Variants in NPAS3 observed in about 807,000 individuals in gnomAD.
The protein encoded by NPAS3 is neuronal PAS domain protein 3, also known as neuronal PAS domain-containing protein 3.
In NPAS3, 14 loss-of-function variants were observed where a neutral mutation model predicts 73.1. That is an observed-to-expected ratio of 0.19 (90% CI 0.13 to 0.30). The LOEUF (loss-of-function observed/expected upper bound fraction) is 0.30. NPAS3 is among the 10% of genes least tolerant of loss of function. The probability of loss-of-function intolerance (pLI) is 1.00; values close to 1 mark genes in which losing one functional copy is unlikely to be tolerated. For missense variants in NPAS3, 1,096 were observed against 1,250.0 expected, an observed-to-expected ratio of 0.88 and a Z score of 1.86; for synonymous variants, 620 against 541.5, an observed-to-expected ratio of 1.14 and a Z score of -2.01.
chr14:33,085,750 A>G (rs981700271), intron 2 of NPAS3, among the ~76,000 whole-genome samples: 144 of 152,210 alleles, frequency 9.5e-4, no homozygotes, highest in Non-Finnish European at 1.0e-3. Context: ...GATACAACCA[A>G]CACTAATATG....
At chr14:32,945,343 A>C (rs750168339) in intron 1 of NPAS3, among the ~76,000 whole-genome samples, 4 of 152,214 alleles carry the variant, frequency 2.6e-5, no homozygotes, top group Admixed American at 6.5e-5. Context: ...TTTAAAAATA[A>C]AAATAGGTTA....
chr14:33,269,185 A>G (rs2040958898), intron 3 of NPAS3, among the ~76,000 whole-genome samples: 1 of 152,196 alleles, frequency 6.6e-6, no homozygotes, highest in African/African-American at 2.4e-5. Flanking sequence ...TTAAAATAGA[A>G]ATTTCAAAAT....
intron 3 of NPAS3, among the ~76,000 whole-genome samples, chr14:33,320,249 T>G (rs2043382895): frequency 6.6e-6 from 1 of 152,066 alleles, no homozygotes; most frequent in Admixed American, 6.6e-5. Context: ...GAGAGAGGGC[T>G]GACAATCTGG....
chr14:33,057,704 C>T (rs986758868), intron 2 of NPAS3, among the ~76,000 whole-genome samples: 7 of 152,150 alleles, frequency 4.6e-5, no homozygotes, highest in African/African-American at 1.7e-4. Flanking sequence ...AAGGTAGACA[C>T]AGTAGGCAGC....
chr14:33,162,795 A>G (rs2044950734), intron 2 of NPAS3, among the ~76,000 whole-genome samples: 1 of 152,222 alleles, frequency 6.6e-6, no homozygotes, highest in Admixed American at 6.5e-5. Flanking sequence ...TACATGTGTC[A>G]GAAACATTAT....
chr14:33,279,232 C>T (rs1199839514), intron 3 of NPAS3, among the ~76,000 whole-genome samples: 2 of 152,042 alleles, frequency 1.3e-5, no homozygotes, highest in African/African-American at 2.4e-5. Flanking sequence ...AACTATAGCT[C>T]CTAGGGCAGA....
At chr14:33,562,605 T>C (rs1020405487) in intron 5 of NPAS3, among the ~76,000 whole-genome samples, 3 of 152,208 alleles carry the variant, frequency 2.0e-5, no homozygotes, top group Non-Finnish European at 4.4e-5. Context: ...TACCAGTTTA[T>C]GTATTTAGAG....
intron 5 of NPAS3, among the ~76,000 whole-genome samples, chr14:33,576,439 A>G (rs1457202675): frequency 6.6e-6 from 1 of 152,090 alleles, no homozygotes; most frequent in Non-Finnish European, 1.5e-5. Context: ...ATGATGTGCT[A>G]ATCCATTATA....
chr14:33,410,800 C>G (rs1466005497), intron 4 of NPAS3, among the ~76,000 whole-genome samples: 1 of 152,146 alleles, frequency 6.6e-6, no homozygotes, highest in Non-Finnish European at 1.5e-5. Context: ...CATGCGCCAC[C>G]ACACCCGGCT....
intron 6 of NPAS3, among the ~76,000 whole-genome samples, chr14:33,726,607 C>T (rs1300481108): frequency 2.0e-5 from 3 of 152,228 alleles, no homozygotes; most frequent in East Asian, 1.9e-4. Context: ...TAGTCTCTTA[C>T]TCTGTGTTAT....
chr14:33,618,467 G>C (rs1007024987), intron 5 of NPAS3, among the ~76,000 whole-genome samples: 1 of 152,068 alleles, frequency 6.6e-6, no homozygotes, highest in East Asian at 1.9e-4. Context: ...TTCACAATAG[G>C]GTCCATGCTC....
At chr14:33,155,522 T>C (rs368532928) in intron 2 of NPAS3, among the ~76,000 whole-genome samples, 1 of 152,150 alleles carries the variant, frequency 6.6e-6, no homozygotes, top group African/African-American at 2.4e-5. Flanking sequence ...TCCTGAGTAG[T>C]CAAGGTTACA....
chr14:32,939,641 GAAGA>G (rs1476046861), intron 1 of NPAS3, among the ~76,000 whole-genome samples: 3 of 117,952 alleles, frequency 2.5e-5, no homozygotes, highest in Non-Finnish European at 5.6e-5. Flanking sequence ...AAAAAAAAAA[GAAGA>G]AAGAAACAGA....
At chr14:33,499,262 A>C (rs2052395044) in intron 4 of NPAS3, among the ~76,000 whole-genome samples, 1 of 151,896 alleles carries the variant, frequency 6.6e-6, no homozygotes, top group Non-Finnish European at 1.5e-5. Flanking sequence ...GTTTAATGTT[A>C]TAAATGAATC....
intron 4 of NPAS3, among the ~76,000 whole-genome samples, chr14:33,406,066 C>G (rs973278499): frequency 6.6e-6 from 1 of 151,930 alleles, no homozygotes; most frequent in Non-Finnish European, 1.5e-5. Context: ...AGAAGAAAAA[C>G]ATTTTTCAAA....
intron 3 of NPAS3, among the ~76,000 whole-genome samples, chr14:33,242,132 G>A (rs2048231065): frequency 1.3e-5 from 2 of 151,970 alleles, no homozygotes; most frequent in African/African-American, 4.8e-5. Flanking sequence ...TGATTCTTCA[G>A]TGCTCAACCT....
At chr14:33,290,993 T>C (rs1345405940) in intron 3 of NPAS3, among the ~76,000 whole-genome samples, 1 of 151,958 alleles carries the variant, frequency 6.6e-6, no homozygotes, top group African/African-American at 2.4e-5. Context: ...ATGAATCAGA[T>C]GGCAAGTGGA....
At chr14:33,311,867 C>T (rs986645342) in intron 3 of NPAS3, among the ~76,000 whole-genome samples, 13 of 152,008 alleles carry the variant, frequency 8.6e-5, no homozygotes, top group Admixed American at 5.9e-4. Context: ...GAAGGATGAA[C>T]GGGAGTTCAT....
intron 1 of NPAS3, among the ~76,000 whole-genome samples, chr14:33,040,393 A>G (rs775270923): frequency 3.2e-4 from 48 of 152,186 alleles, no homozygotes; most frequent in Admixed American, 7.2e-4. Context: ...AAGTTTTCCA[A>G]AAACATCTTG....
Sources: allele counts gnomAD v4.1 joint callset (sites outside exome capture counted in the v4.1 genomes callset), GRCh38; gene constraint gnomAD v4.1.1; transcripts MANE v1.5; gene names NCBI Gene and HGNC (gene_info 2026-07-23, HGNC 2026-07-21).